Variants in EYS observed in about 807,000 individuals in gnomAD.
EYS encodes the protein EGF-like photoreceptor maintenance factor, also known as protein eyes shut homolog.
A neutral mutation model predicts 282.1 loss-of-function variants in EYS; 250 were observed. The ratio of observed to expected loss-of-function variants is 0.89; its 90% confidence interval spans 0.80 to 0.98. The LOEUF (loss-of-function observed/expected upper bound fraction) is 0.98, where lower values mean the gene tolerates loss of function less well. Ranked by LOEUF, EYS falls within the 50% of genes least tolerant of loss-of-function variation. EYS has a pLI of 0.00. For missense variants in EYS, 4,016 were observed against 3,709.0 expected (o/e 1.08, Z -2.15); for synonymous variants, 1,355 against 1,282.9 (o/e 1.06, Z -1.20).
intron 33 of EYS, among the ~76,000 whole-genome samples, chr6:64,034,477 C>A (rs1770016021): frequency 6.6e-6 from 1 of 152,212 alleles, no homozygotes; most frequent in Non-Finnish European, 1.5e-5. Flanking sequence ...CCCCAAGCAG[C>A]CTGGCCCTGA....
chr6:65,325,664 C>T (rs1022697140), intron 11 of EYS, among the ~76,000 whole-genome samples: 1 of 152,148 alleles, frequency 6.6e-6, no homozygotes, highest in Non-Finnish European at 1.5e-5. Context: ...GTCTAAAATA[C>T]TTCCTAGTTT....
chr6:65,322,666 G>A (rs562000821), intron 11 of EYS, among the ~76,000 whole-genome samples: 35 of 152,022 alleles, frequency 2.3e-4, no homozygotes, highest in South Asian at 1.0e-3. Context: ...CTGGGGGCGC[G>A]CGCCTGTAGT....
At chr6:64,939,643 G>T (rs977236934) in intron 15 of EYS, among the ~76,000 whole-genome samples, 1 of 151,366 alleles carries the variant, frequency 6.6e-6, no homozygotes, top group Admixed American at 6.6e-5. Flanking sequence ...CCAATAGGTG[G>T]ACAAACATAA....
chr6:63,793,756 C>T (rs998856631), intron 37 of EYS, among the ~76,000 whole-genome samples: 2 of 152,100 alleles, frequency 1.3e-5, no homozygotes, highest in Non-Finnish European at 2.9e-5. Flanking sequence ...CCTTTTTATT[C>T]TGCAATGGGT....
chr6:64,026,872 C>A (rs1769542566), intron 33 of EYS, among the ~76,000 whole-genome samples: 1 of 152,150 alleles, frequency 6.6e-6, no homozygotes, highest in Non-Finnish European at 1.5e-5. Flanking sequence ...CCCCTTCTCC[C>A]TCTCTGATTT....
intron 5 of EYS, among the ~76,000 whole-genome samples, chr6:65,476,008 A>T (rs1380074559): frequency 6.6e-6 from 1 of 152,090 alleles, no homozygotes; most frequent in Non-Finnish European, 1.5e-5. Context: ...ACCTCTTAAG[A>T]GCAATTATTT....
In EYS at chr6:64,080,506, T is replaced by C. The variant is rs575529404; in HGVS notation, c.6571+1350A>G. Among the ~76,000 whole-genome samples, 13 of 152,304 alleles carry C rather than the reference T, an allele frequency of 8.5e-5. No individual in the cohort carries two copies. The East Asian group carries it at 1.7e-3, about 20-fold the overall frequency. ...AAAAATTTTCTCCCATTCTGTAGGT[T>C]GCCTGTTCACTCTGATGGTAGTTTC... On this transcript the variant is annotated intron_variant, in intron 32 of 42. Coordinates refer to ENST00000503581, the MANE Select transcript of EYS (RefSeq NM_001142800.2).
intron 36 of EYS, among the ~76,000 whole-genome samples, chr6:63,812,658 T>C (rs1257405673): frequency 2.0e-5 from 3 of 152,090 alleles, no homozygotes; most frequent in Non-Finnish European, 4.4e-5. Flanking sequence ...GTTAAGGACA[T>C]AGTAATATAT....
At chr6:65,593,564 G>T (rs1290900928) in intron 2 of EYS, among the ~76,000 whole-genome samples, 2 of 151,980 alleles carry the variant, frequency 1.3e-5, no homozygotes, top group African/African-American at 4.8e-5. Context: ...AGTTTGAAAA[G>T]TTTCAAGGTG....
chr6:64,101,767 A>G (rs893187827), intron 31 of EYS, among the ~76,000 whole-genome samples: 1 of 151,948 alleles, frequency 6.6e-6, no homozygotes, highest in African/African-American at 2.4e-5. Flanking sequence ...CTTTATTTCT[A>G]TTATTATTAC....
intron 31 of EYS, among the ~76,000 whole-genome samples, chr6:64,186,549 G>C (rs930823150): frequency 6.6e-6 from 1 of 151,748 alleles, no homozygotes; most frequent in Non-Finnish European, 1.5e-5. Flanking sequence ...TCTTTGTTTT[G>C]TACTTTTTGG....
chr6:63,806,410 T>C, intron 36 of EYS, 38 bp from the exon 37 acceptor site: 13 of 1,462,306 alleles, frequency 8.9e-6, no homozygotes, highest in Admixed American at 2.5e-5. Context: ...AAAATAAACC[T>C]GTACATGTAT....
At chr6:64,329,666 C>T (rs1452934331) in intron 29 of EYS, among the ~76,000 whole-genome samples, 1 of 151,654 alleles carries the variant, frequency 6.6e-6, no homozygotes, top group Non-Finnish European at 1.5e-5. Flanking sequence ...CAGAAGCCAC[C>T]CATGGGATTA....
intron 12 of EYS, among the ~76,000 whole-genome samples, chr6:65,274,051 G>T (rs1247693632): frequency 2.6e-5 from 4 of 152,070 alleles, no homozygotes; most frequent in African/African-American, 9.7e-5. Flanking sequence ...TTTTACACAG[G>T]TTCAAATCAC....
intron 31 of EYS, among the ~76,000 whole-genome samples, chr6:64,156,866 T>C (rs1485201173): frequency 6.6e-6 from 1 of 150,998 alleles, no homozygotes; most frequent in African/African-American, 2.5e-5. Flanking sequence ...CATTCAGTTT[T>C]TTTTTTAATT....
intron 40 of EYS, among the ~76,000 whole-genome samples, chr6:63,767,826 A>T (rs146823076): frequency 1.3e-5 from 2 of 152,264 alleles, no homozygotes; most frequent in African/African-American, 4.8e-5. Flanking sequence ...TTCAAACTAT[A>T]CTACAAGCCT....
chr6:65,618,035 C>A (rs566305414), intron 2 of EYS, among the ~76,000 whole-genome samples: 17 of 152,200 alleles, frequency 1.1e-4, no homozygotes, highest in African/African-American at 4.1e-4. Flanking sequence ...GTGTTTATAG[C>A]AGCATGATTT....
intron 1 of EYS, among the ~76,000 whole-genome samples, chr6:65,649,365 ATC>A (rs1236455727): frequency 6.6e-6 from 1 of 151,932 alleles, no homozygotes; most frequent in Non-Finnish European, 1.5e-5. Flanking sequence ...AGTGTGTCCA[ATC>A]TTAAAACACA....
intron 5 of EYS, among the ~76,000 whole-genome samples, chr6:65,467,440 A>T (rs557655073): frequency 6.9e-6 from 1 of 145,194 alleles, no homozygotes; most frequent in Non-Finnish European, 1.5e-5. Context: ...TAACAGTTAT[A>T]AAAAAAAATC....
Sources: gnomAD v4.1 joint callset for allele counts (sites outside exome capture counted in the v4.1 genomes callset) on GRCh38, gnomAD v4.1.1 for gene constraint, MANE v1.5 for transcripts, NCBI Gene and HGNC (gene_info 2026-07-23, HGNC 2026-07-21) for gene names.